Variants in INTS7 observed in about 807,000 individuals in gnomAD.
The protein encoded by INTS7 is chromosome 1 open reading frame 73.
Under a neutral mutation model 109.2 loss-of-function variants are expected in INTS7, and 46 were observed. The observed-to-expected ratio is 0.42, with a 90% confidence interval of 0.33 to 0.54. INTS7 has a LOEUF of 0.54. Among genes scored for constraint, INTS7 ranks in the 20% least tolerant of loss-of-function variants. The pLI, the probability that INTS7 is intolerant of heterozygous loss-of-function variation, is 0.07. For missense variants in INTS7, 929 were observed against 1,132.4 expected, an observed-to-expected ratio of 0.82 and a Z score of 2.58; for synonymous variants, 412 against 402.9, an observed-to-expected ratio of 1.02 and a Z score of -0.27.
At chr1:211,958,473 A>G (rs1212631604) in intron 16 of INTS7, among the ~76,000 whole-genome samples, 1 of 152,040 alleles carries the variant, frequency 6.6e-6, no homozygotes, top group Non-Finnish European at 1.5e-5. Context: ...ATTGGTTTTC[A>G]GCAATTTGAT....
rs1664262970 is a variant in INTS7, at chr1:211,973,329, TAC to T, written c.1815+1835_1815+1836del. Among the ~76,000 whole-genome samples the T allele has an allele frequency of 2.0e-5, 3 of 152,344 alleles. No homozygotes were observed. In the Middle Eastern group the frequency reaches 0.01, roughly 518 times the overall value. On this transcript the variant is annotated intron_variant, in intron 13 of 19. Transcript: ENST00000366994. ...AGCCACTAAACTTGTAGTAATTTGT[TAC>T]ACAGCACAGAAAGCTAATATAAACA...
chr1:212,001,066 T>C (rs1231520301), intron 7 of INTS7, among the ~76,000 whole-genome samples: 1 of 23,262 alleles, frequency 4.3e-5, no homozygotes, highest in Non-Finnish European at 1.3e-4. Flanking sequence ...CAGAATTCCT[T>C]TTTTTTTTTT....
intron 16 of INTS7, among the ~76,000 whole-genome samples, chr1:211,962,423 A>G (rs887470091): frequency 2.0e-5 from 3 of 152,204 alleles, no homozygotes; most frequent in South Asian, 4.1e-4. Context: ...AGACTCCCAC[A>G]CAATAATGGT....
chr1:211,968,527 G>T lies in INTS7; in HGVS notation c.1996C>A (p.Arg666Ser). The T allele has an allele frequency of 6.2e-7, 1 of 1,612,780 alleles. No individual in the cohort carries two copies. Among genetic ancestry groups the T allele is most frequent in the South Asian group, 1.1e-5 (1 of 90,804 alleles). ...TLGNDLQRCG[R>S]ISNQMKQSME... ...TTAAGACATGCCTGATTGGAGATGC[G>T]ACCACACCTCTGGAGGTCATTTCCT... Residue 666 changes from arginine (R) to serine (S), a missense_variant, in exon 14 of 20, where the codon CGC becomes AGC. Transcript: ENST00000366994.
At chr1:211,949,792 G>A (rs1383086739) in intron 17 of INTS7, among the ~76,000 whole-genome samples, 2 of 152,164 alleles carry the variant, frequency 1.3e-5, no homozygotes, top group African/African-American at 4.8e-5. Context: ...TTTGTCACCT[G>A]GCCACTGGCT....
At chr1:212,022,672 CT>C (rs1173914130) in intron 1 of INTS7, among the ~76,000 whole-genome samples, 2 of 151,060 alleles carry the variant, frequency 1.3e-5, no homozygotes, top group African/African-American at 2.4e-5. Flanking sequence ...ATAACTATAA[CT>C]CTCATACCTT....
Position 211,976,595 on chromosome 1 carries a change from T to C in INTS7, c.1595A>G (p.Gln532Arg), listed in dbSNP as rs1382423026. The C allele has an allele frequency of 6.2e-7, 1 of 1,613,834 alleles. No homozygotes were observed. ...GGTAACACATACCATTCTGGAAGCC[T>C]GTCTGGCAATACGGTATACAGTCCA... is the stretch of plus-strand genomic sequence containing the variant. ...NGWTVYRIAR[Q>R]ASRMGNHDMA... Residue 532 changes from glutamine to arginine, a missense_variant, in exon 12 of 20, where the codon CAG becomes CGG. Gln to Arg is a conservative substitution (Grantham distance 43, BLOSUM62 1). Coordinates refer to ENST00000366994, the MANE Select transcript of INTS7 (RefSeq NM_015434.4).
chr1:212,028,326 C>A (rs1431077224), intron 1 of INTS7, among the ~76,000 whole-genome samples: 1 of 152,178 alleles, frequency 6.6e-6, no homozygotes, highest in Non-Finnish European at 1.5e-5. Context: ...ACCCCAGGAT[C>A]TCTGGTTTTA....
In INTS7 at chr1:211,998,970, C is replaced by A. The variant is rs962960286; in HGVS notation, c.879+7669G>T. On this transcript the variant is annotated intron_variant, in intron 7 of 19. Coordinates refer to ENST00000366994, the MANE Select transcript of INTS7 (RefSeq NM_015434.4). ...GATGAGATACCACTACACACTATTA[C>A]AAAACCATACAACACAAAGTGCTGG... is the stretch of plus-strand genomic sequence containing the variant. 2.0e-5 allele frequency among the ~76,000 whole-genome samples: 3 copies of A among 152,180 alleles called. No individual in the cohort carries two copies. In the South Asian group the frequency reaches 6.2e-4, roughly 31 times the overall value.
chr1:211,961,518 C>T (rs1663631806), intron 16 of INTS7, among the ~76,000 whole-genome samples: 1 of 151,904 alleles, frequency 6.6e-6, no homozygotes, highest in Non-Finnish European at 1.5e-5. Flanking sequence ...CAACCTCTGC[C>T]TCCCGGGTTC....
intron 8 of INTS7, among the ~76,000 whole-genome samples, chr1:211,986,583 G>C (rs1010165165): frequency 2.6e-5 from 4 of 152,200 alleles, no homozygotes; most frequent in African/African-American, 9.7e-5. Flanking sequence ...CATTGTTACT[G>C]ATTATTTCAT....
At chr1:211,990,285 TA>T (rs67427935) in intron 7 of INTS7, among the ~76,000 whole-genome samples, 34,598 of 145,632 alleles carry the variant, frequency 0.24, 4,483 homozygotes, top group African/African-American at 0.38. Flanking sequence ...ACACAGCTGA[TA>T]AAAAAAAAAA....
At position 211,947,493 on chromosome 1, in the gene INTS7, T is replaced by C. The variant is rs1478051275; in HGVS notation, c.2317-788A>G. ...CCATTCCTGCTTGGTCTACTATCCC[T>C]TCCTCAGTCTACTCCCGTCTCAGTG... is the stretch of plus-strand genomic sequence containing the variant. On this transcript the variant is annotated intron_variant, in intron 17 of 19. Coordinates refer to ENST00000366994, the MANE Select transcript of INTS7 (RefSeq NM_015434.4). 3.3e-5 allele frequency among the ~76,000 whole-genome samples: 5 copies of C among 152,302 alleles called. No homozygotes were observed. In the East Asian group the frequency reaches 9.6e-4, roughly 29 times the overall value.
chr1:211,951,600 C>T (rs1430336868), intron 17 of INTS7, among the ~76,000 whole-genome samples: 1 of 152,178 alleles, frequency 6.6e-6, no homozygotes, highest in African/African-American at 2.4e-5. Context: ...GCCACCGCAC[C>T]CGGCCAGGAT....
intron 1 of INTS7, 72 bp downstream of exon 1, chr1:212,035,272 A>C (rs1023473570): frequency 6.6e-6 from 7 of 1,055,582 alleles, no homozygotes; most frequent in African/African-American, 1.6e-5. Flanking sequence ...TCTTCTCCCA[A>C]AGCAACCACC....
intron 1 of INTS7, among the ~76,000 whole-genome samples, chr1:212,032,184 A>G (rs554999006): frequency 2.6e-5 from 4 of 151,412 alleles, no homozygotes; most frequent in Non-Finnish European, 2.9e-5. Context: ...CTTTGAAAGT[A>G]TATCCAGAAT....
intron 7 of INTS7, among the ~76,000 whole-genome samples, chr1:211,994,608 T>C: frequency 6.6e-6 from 1 of 151,660 alleles, no homozygotes; most frequent in Non-Finnish European, 1.5e-5. Context: ...AGTTTTTTTT[T>C]GTTTAGTAGA....
chr1:211,967,756 CTA>C, intron 15 of INTS7, 120 bp downstream of exon 15: 1 of 594,938 alleles, frequency 1.7e-6, no homozygotes, highest in Non-Finnish European at 2.9e-6. Flanking sequence ...AAAGGGGAAA[CTA>C]TATAATAAAT....
At chr1:211,956,686 A>G (rs1234503655) in intron 16 of INTS7, among the ~76,000 whole-genome samples, 2 of 151,652 alleles carry the variant, frequency 1.3e-5, no homozygotes, top group African/African-American at 4.8e-5. Context: ...GGTTTCACTG[A>G]TTTTCTCTTT....
Sources: gnomAD v4.1 joint callset for allele counts (sites outside exome capture counted in the v4.1 genomes callset) on GRCh38, gnomAD v4.1.1 for gene constraint, MANE v1.5 for transcripts, NCBI Gene and HGNC (gene_info 2026-07-23, HGNC 2026-07-21) for gene names.